COL2A1: variants seen among roughly 807,000 people sequenced by gnomAD.
COL2A1 encodes the protein collagen type II alpha 1 chain.
In COL2A1, 28 loss-of-function variants were observed where a neutral mutation model predicts 204.5. That is an observed-to-expected ratio of 0.14 (90% CI 0.10 to 0.19). COL2A1 has a LOEUF of 0.19. Ranked by LOEUF, COL2A1 falls within the 10% of genes least tolerant of loss-of-function variation. The pLI, the probability that COL2A1 is intolerant of heterozygous loss-of-function variation, is 1.00. For missense variants in COL2A1, 1,388 were observed against 2,027.5 expected (o/e 0.68, Z 6.06); for synonymous variants, 708 against 718.7 (o/e 0.99, Z 0.24).
In COL2A1 at chr12:47,987,035, C is replaced by G; in HGVS notation, c.1365+43G>C. 1 of 1,596,358 alleles carries G rather than the reference C, an allele frequency of 6.3e-7. No individual in the cohort carries two copies. Among genetic ancestry groups the G allele is most frequent in the Middle Eastern group, 1.7e-4 (1 of 6,024 alleles). The stretch of plus-strand genomic sequence containing the variant: ...GAAAGAGGGGTGATGGGGTTTGACT[C>G]CAGAGATGTCAGTGGAACTTGGGGG... On this transcript the variant is annotated intron_variant, in intron 21 of 53. Transcript: ENST00000380518. This position sits in a 1 kb window ranked among gnomAD's most constrained non-coding sequence, Gnocchi z 4.1.
Position 47,997,639 on chromosome 12 carries a change from A to T in COL2A1, c.498T>A (p.Pro166=), listed in dbSNP as rs1308038469. Residue 166 remains proline, a synonymous_variant, in exon 7 of 54, where the codon CCT becomes CCA. Coordinates refer to ENST00000380518, the MANE Select transcript of COL2A1 (RefSeq NM_001844.5). ...GTPGNPGPPG[P]PGPPGPPGLG... ...GACCAGGGGGACCAGGGGGGCCGGG[A>T]GGACCAGGGGGGCCAGGATTTCCAG... 2 of 1,613,408 alleles carry T rather than the reference A, an allele frequency of 1.2e-6. No individual in the cohort carries two copies. The highest frequency in any genetic ancestry group is 1.7e-6 in the Non-Finnish European group (2 of 1,179,742).
chr12:47,989,400 T>C (rs1176749170), intron 17 of COL2A1, 119 bp from the exon 18 acceptor site: 10 of 904,436 alleles, frequency 1.1e-5, no homozygotes, highest in African/African-American at 1.6e-5. Flanking sequence ...ATATCCATTG[T>C]GGCTAAAAGG....
chr12:47,993,763 C>CA (rs1939816111), intron 14 of COL2A1, 46 bp downstream of exon 14: 2 of 1,596,988 alleles, frequency 1.3e-6, no homozygotes, highest in South Asian at 2.2e-5. Flanking sequence ...AGGGGCTCCT[C>CA]ATTGTCTCCC....
chr12:48,005,656 G>A (rs1396706607), upstream of COL2A1: 2 of 152,234 alleles, frequency 1.3e-5, no homozygotes, highest in Non-Finnish European at 2.9e-5. Flanking sequence ...TTGGTCTCCG[G>A]TGCCTCCTTT....
Position 47,987,776 on chromosome 12 carries a change from A to G in COL2A1, c.1123-67T>C. 1 of 1,273,808 alleles carries G rather than the reference A, an allele frequency of 7.9e-7. No individual in the cohort carries two copies. The highest frequency in any genetic ancestry group is 1.1e-6 in the Non-Finnish European group (1 of 889,366). The allele number at this position is 1,273,808 out of a possible 1,614,324, so 78.9% of individuals were successfully genotyped here. On this transcript the variant is annotated intron_variant, in intron 18 of 53. Transcript: ENST00000380518. The surrounding 1 kb of genome is among the most constrained non-coding windows in gnomAD (Gnocchi z 4.1). ...GGACACAGACCTCTAGTGGGTGGGC[A>G]ATAGCTCAGGGCCAGCTGCAAGCAC...
At chr12:47,992,440 T>C (rs1181344922) in intron 16 of COL2A1, among the ~76,000 whole-genome samples, 3 of 152,176 alleles carry the variant, frequency 2.0e-5, no homozygotes, top group African/African-American at 2.4e-5. Flanking sequence ...CCCCTGGTAC[T>C]ATAGCATAAC....
chr12:47,973,141 AC>A lies in COL2A1; in HGVS notation c.*265del, dbSNP rs1157143463. ...GTCACTCAGGGGGCATTTGACTCAC[AC>A]CAGTTAGTTTCCTGCCTCTGCCTTG... On this transcript the variant is annotated 3_prime_UTR_variant, in exon 54 of 54. Transcript: ENST00000380518. 1 of 615,038 alleles carries A rather than the reference AC, an allele frequency of 1.6e-6. No homozygotes were observed. The highest frequency in any genetic ancestry group is 2.9e-6 in the Non-Finnish European group (1 of 345,570). The allele number at this position is 615,038 out of a possible 1,614,324, so 38.1% of individuals were successfully genotyped here. A position where few individuals can be genotyped will look rare whatever the true frequency, so the allele number is the denominator to read the frequency against.
intron 36 of COL2A1, 118 bp downstream of exon 36, chr12:47,981,658 G>A (rs1034117587): frequency 2.1e-5 from 26 of 1,240,284 alleles, no homozygotes; most frequent in Admixed American, 2.0e-4. Flanking sequence ...TCACTCCTAC[G>A]GCCTTGGCCG....
chr12:47,986,685 G>T (rs1592219502), intron 22 of COL2A1, 150 bp downstream of exon 22: 7 of 951,366 alleles, frequency 7.4e-6, no homozygotes, highest in Non-Finnish European at 1.2e-5. Flanking sequence ...GGCCTTCTCA[G>T]CCCTGTTAAG....
intron 36 of COL2A1, 47 bp downstream of exon 36, chr12:47,981,729 G>A: frequency 6.5e-7 from 1 of 1,528,378 alleles, no homozygotes; most frequent in South Asian, 1.2e-5. Context: ...TAAGAAGGAG[G>A]TGTGACAGGG....
At chr12:47,999,895 A>T (rs1327307493) in intron 2 of COL2A1, 24 bp downstream of exon 2, 1 of 1,595,022 alleles carries the variant, frequency 6.3e-7, no homozygotes, top group East Asian at 2.2e-5. Flanking sequence ...ATTTATGTTG[A>T]ACAGGAAATA....
In COL2A1 at chr12:47,983,116, C is replaced by T. The variant is rs1250885285; in HGVS notation, c.2071G>A (p.Ala691Thr). ...ACCCTGGGACCCACGAGGCCAGGGG[C>T]TCCAGCTTCACCGGGAACACCCTGG... ...GDQGVPGEAG[A>T]PGLVGPRGER... Residue 691 changes from alanine (A) to threonine (T), a missense_variant, in exon 32 of 54, where the codon GCC (alanine) becomes ACC (threonine). Around this residue, in one of 3 missense-constraint regions of COL2A1, gnomAD observed 884 missense variants for 1,415.8 expected, o/e 0.62. Transcript: ENST00000380518. The T allele has an allele frequency of 4.3e-6, 7 of 1,613,800 alleles. No homozygotes were observed. The highest frequency in any genetic ancestry group is 5.9e-6 in the Non-Finnish European group (7 of 1,179,900).
chr12:48,003,858 G>A (rs1370032123), intron 1 of COL2A1, among the ~76,000 whole-genome samples: 7 of 152,190 alleles, frequency 4.6e-5, no homozygotes. Flanking sequence ...ATCTGTTTTT[G>A]CTGAACTCGA....
intron 23 of COL2A1, 38 bp from the exon 24 acceptor site, chr12:47,986,003 C>T (rs1565682449): frequency 1.3e-6 from 2 of 1,546,236 alleles, no homozygotes; most frequent in East Asian, 2.4e-5. Context: ...TGAGTGAGAA[C>T]AGCCCCAACC....
chr12:47,987,763 C>A lies in COL2A1; in HGVS notation c.1123-54G>T. On this transcript the variant is annotated intron_variant, in intron 18 of 53. Coordinates refer to ENST00000380518, the MANE Select transcript of COL2A1 (RefSeq NM_001844.5). The surrounding 1 kb of genome is among the most constrained non-coding windows in gnomAD (Gnocchi z 4.1). ...AGAAGAAGAGAGGGGACACAGACCT[C>A]TAGTGGGTGGGCAATAGCTCAGGGC... The A allele has an allele frequency of 7.0e-7, 1 of 1,435,886 alleles. No homozygotes were observed. Among genetic ancestry groups the A allele is most frequent in the African/African-American group, 1.4e-5 (1 of 71,000 alleles). 88.9% of individuals were successfully genotyped at this position (1,435,886 alleles called of 1,614,324 possible).
intron 28 of COL2A1, 87 bp from the exon 29 acceptor site, chr12:47,984,227 C>A: frequency 8.2e-7 from 1 of 1,217,458 alleles, no homozygotes; most frequent in Non-Finnish European, 1.2e-6. Flanking sequence ...TACTTCTGGC[C>A]CAGAGTTTCC....
chr12:47,999,634 A>ATTTTTTTTTTTTTTTTTTTT (rs10708850), intron 2 of COL2A1: 1 of 154,296 alleles, frequency 6.5e-6, no homozygotes, highest in Non-Finnish European at 1.2e-5. Context: ...TTCAGAGAGG[A>ATTTTTTTTTTTTTTTTTTTT]TTTTTTTTTT....
chr12:47,977,038 G>A lies in COL2A1; in HGVS notation c.3327+64C>T. On this transcript the variant is annotated intron_variant, in intron 47 of 53. Coordinates refer to ENST00000380518, the MANE Select transcript of COL2A1 (RefSeq NM_001844.5). Reference sequence around the variant, plus strand: ...GGGCTGGAGGCCCAGGAACCACCTGGAGGCTGGCTGCCCTCCCAGCCTATC... The same window carrying A: ...GGGCTGGAGGCCCAGGAACCACCTGAAGGCTGGCTGCCCTCCCAGCCTATC... 6 of 1,562,170 alleles carry A rather than the reference G, an allele frequency of 3.8e-6. No individual in the cohort carries two copies. In the South Asian group the frequency reaches 5.8e-5, roughly 15 times the overall value.
chr12:47,979,405 G>T, intron 41 of COL2A1, 106 bp downstream of exon 41: 1 of 1,166,764 alleles, frequency 8.6e-7, no homozygotes, highest in South Asian at 1.2e-5. Flanking sequence ...GGCAGGAACG[G>T]ACTCAGAGGA....
Sources: allele counts gnomAD v4.1 joint callset (sites outside exome capture counted in the v4.1 genomes callset), GRCh38; gene constraint gnomAD v4.1.1; regional missense constraint gnomAD v4.1.1; non-coding constraint Gnocchi (gnomAD v3.1); transcripts MANE v1.5; gene names NCBI Gene and HGNC (gene_info 2026-07-23, HGNC 2026-07-21).